Variants in DPP6 observed in about 807,000 individuals in gnomAD.
The protein encoded by DPP6 is dipeptidyl peptidase like 6.
DPP6 carries 69 observed loss-of-function variants against 122.6 expected under a neutral mutation model. The observed-to-expected ratio is 0.56, with a 90% CI of 0.46 to 0.69. The LOEUF is 0.69. Ranked by LOEUF, DPP6 falls within the 30% of genes least tolerant of loss-of-function variation. The probability of loss-of-function intolerance (pLI) is 0.00; values close to 1 mark genes in which losing one functional copy is unlikely to be tolerated. For missense variants in DPP6, 928 were observed against 1,116.9 expected (o/e 0.83, Z 2.41); for synonymous variants, 418 against 433.1 (o/e 0.97, Z 0.43).
intron 4 of DPP6, among the ~76,000 whole-genome samples, chr7:154,556,859 C>G (rs559344474): frequency 7.0e-4 from 106 of 152,184 alleles, no homozygotes; most frequent in African/African-American, 2.4e-3. Flanking sequence ...CTCAATCAAG[C>G]CTGAAACCAA....
chr7:154,313,383 T>A (rs139573897), intron 1 of DPP6, among the ~76,000 whole-genome samples: 133 of 152,070 alleles, frequency 8.7e-4, no homozygotes, highest in South Asian at 3.5e-3. Flanking sequence ...TATGAAAGTG[T>A]TTTGAAAGCA....
intron 1 of DPP6, among the ~76,000 whole-genome samples, chr7:154,062,854 C>T (rs1178620289): frequency 7.5e-6 from 1 of 134,158 alleles, no homozygotes; most frequent in Non-Finnish European, 1.6e-5. Context: ...GAGCCAGACC[C>T]TCTTCCTCCC....
intron 1 of DPP6, among the ~76,000 whole-genome samples, chr7:154,004,453 G>A (rs1393565745): frequency 3.5e-4 from 53 of 151,784 alleles, no homozygotes; most frequent in African/African-American, 1.2e-3. Context: ...GTTAGATCAG[G>A]CATAATATAT....
chr7:154,291,089 TC>T (rs1278715448), intron 1 of DPP6, among the ~76,000 whole-genome samples: 1 of 152,100 alleles, frequency 6.6e-6, no homozygotes, highest in Non-Finnish European at 1.5e-5. Flanking sequence ...CAGCCACCGC[TC>T]CCCTCCAAAA....
intron 1 of DPP6, among the ~76,000 whole-genome samples, chr7:153,908,967 C>T (rs1039916916): frequency 7.9e-5 from 12 of 151,870 alleles, no homozygotes; most frequent in Admixed American, 3.9e-4. Flanking sequence ...TTGGCCAGGC[C>T]GGTCTCGAAC....
rs1834969821 is a variant in DPP6, at chr7:154,624,909, C to T, written c.628-12912C>T. Among the ~76,000 whole-genome samples the T allele has an allele frequency of 6.6e-6, 1 of 152,298 alleles. No individual in the cohort carries two copies. The highest frequency in any genetic ancestry group is 1.9e-4 in the East Asian group (1 of 5,180). ...GGCTGAGCATATGACCAACATTTTACATTTCAGAGTTGGCTCCCACCTTAA... is the reference window on the plus strand; with the variant it reads ...GGCTGAGCATATGACCAACATTTTATATTTCAGAGTTGGCTCCCACCTTAA... On this transcript the variant is annotated intron_variant, in intron 5 of 25. Transcript: ENST00000377770. The surrounding 1 kb of genome is among the most constrained non-coding windows in gnomAD (Gnocchi z 4.7).
chr7:154,598,429 G>C (rs1833231614), intron 5 of DPP6, among the ~76,000 whole-genome samples: 2 of 152,156 alleles, frequency 1.3e-5, no homozygotes, highest in Non-Finnish European at 2.9e-5. Flanking sequence ...TGGCCATTGT[G>C]TAGATCCCAA....
At chr7:153,886,613 C>G (rs954341319), upstream of DPP6, among the ~76,000 whole-genome samples, 2 of 152,334 alleles carry the variant, frequency 1.3e-5, no homozygotes, top group African/African-American at 4.8e-5. Context: ...CCCCTGCCAC[C>G]CGCGCTGGTA....
chr7:154,819,304 A>G (rs1042060244), intron 16 of DPP6, among the ~76,000 whole-genome samples: 4 of 152,174 alleles, frequency 2.6e-5, no homozygotes, highest in Admixed American at 6.5e-5. Flanking sequence ...AATTCCAGCT[A>G]CTCAGGAGGC....
chr7:153,776,741 A>G, the DPP6 span, among the ~76,000 whole-genome samples: 3 of 152,236 alleles, frequency 2.0e-5, no homozygotes, highest in African/African-American at 7.2e-5. Context: ...CATGCATATG[A>G]AAAATAAATG....
rs1245093600 is a variant in DPP6, at chr7:154,282,209, A to G, written c.244-164005A>G. Reference sequence around the variant, plus strand: ...CCTATTCCATTCTCTCTGTGGCCCCATAGAGAAGACTCCAATCTGTGGTTT... The same window carrying G: ...CCTATTCCATTCTCTCTGTGGCCCCGTAGAGAAGACTCCAATCTGTGGTTT... On this transcript the variant is annotated intron_variant, in intron 1 of 25. Coordinates refer to ENST00000377770, the MANE Select transcript of DPP6 (RefSeq NM_130797.4). This position sits in a 1 kb window ranked among gnomAD's most constrained non-coding sequence, Gnocchi z 4.8. Among the ~76,000 whole-genome samples, 2 of 152,086 alleles carry G rather than the reference A, an allele frequency of 1.3e-5. No homozygotes were observed. Among genetic ancestry groups the G allele is most frequent in the African/African-American group, 4.8e-5 (2 of 41,402 alleles).
the DPP6 span, among the ~76,000 whole-genome samples, chr7:153,853,841 T>C: frequency 6.6e-6 from 1 of 151,756 alleles, no homozygotes; most frequent in Non-Finnish European, 1.5e-5. Flanking sequence ...CAGAAGCTCT[T>C]TAGTTTAATT....
chr7:154,008,670 T>C, intron 1 of DPP6, among the ~76,000 whole-genome samples: 1 of 144,120 alleles, frequency 6.9e-6, no homozygotes, highest in African/African-American at 2.6e-5. Flanking sequence ...TTTTTTTTTT[T>C]TTTTTTTTTG....
chr7:154,408,624 A>G (rs1245017113), intron 1 of DPP6, among the ~76,000 whole-genome samples: 1 of 152,200 alleles, frequency 6.6e-6, no homozygotes, highest in East Asian at 1.9e-4. Flanking sequence ...TATTAACTCA[A>G]CTATAGACTT....
At chr7:154,535,901 G>A (rs1828215887) in intron 3 of DPP6, among the ~76,000 whole-genome samples, 1 of 152,250 alleles carries the variant, frequency 6.6e-6, no homozygotes, top group African/African-American at 2.4e-5. Flanking sequence ...ATGTGCATGT[G>A]ACTCTTATAC....
rs113420750 is a variant in DPP6, at chr7:153,953,813, G to A, written c.51+66079G>A. Among the ~76,000 whole-genome samples, 1,115 of 152,312 alleles carry A rather than the reference G, an allele frequency of 7.3e-3. 17 individuals are homozygous for A. Among genetic ancestry groups the A allele is most frequent in the African/African-American group, 0.025 (1,045 of 41,560 alleles). ...AGAAACAGGATAGATGAGTGCATGT[G>A]CGTCTACAGGCACACATACAAAGAC... is the stretch of plus-strand genomic sequence containing the variant. On this transcript the variant is annotated intron_variant, in intron 1 of 25. Transcript: ENST00000404039.
the DPP6 span, among the ~76,000 whole-genome samples, chr7:153,826,703 T>C: frequency 2.6e-5 from 4 of 152,214 alleles, no homozygotes; most frequent in Non-Finnish European, 5.9e-5. Context: ...GTCTCTGTGT[T>C]GCATATAGAA....
chr7:154,060,396 A>G (rs1375003598), intron 1 of DPP6, among the ~76,000 whole-genome samples: 5 of 112,160 alleles, frequency 4.5e-5, no homozygotes, highest in East Asian at 2.7e-4. Flanking sequence ...GGCTCTTAGG[A>G]CCCCCATCGC....
intron 5 of DPP6, among the ~76,000 whole-genome samples, chr7:154,583,797 T>C (rs1006099390): frequency 1.3e-5 from 2 of 152,138 alleles, no homozygotes; most frequent in Admixed American, 6.5e-5. Flanking sequence ...TGTGCTGCTG[T>C]CTCCGGGGAA....
Sources: allele counts gnomAD v4.1 joint callset (sites outside exome capture counted in the v4.1 genomes callset), GRCh38; gene constraint gnomAD v4.1.1; non-coding constraint Gnocchi (gnomAD v3.1); transcripts MANE v1.5; gene names NCBI Gene and HGNC (gene_info 2026-07-23, HGNC 2026-07-21).